The following TPCN1 variants were observed in gnomAD, a reference collection of about 807,000 sequenced individuals.
The protein encoded by TPCN1 is two pore segment channel 1.
A neutral mutation model predicts 108.8 loss-of-function variants in TPCN1; 52 were observed. That is an observed-to-expected ratio of 0.48 (90% CI 0.38 to 0.60). The LOEUF (loss-of-function observed/expected upper bound fraction) is 0.60. Ranked by LOEUF, TPCN1 falls within the 20% of genes least tolerant of loss-of-function variation. The pLI is 0.00. For missense variants in TPCN1, 806 were observed against 1,072.8 expected (o/e 0.75, Z 3.47); for synonymous variants, 446 against 433.7 (o/e 1.03, Z -0.35).
Position 113,268,838 on chromosome 12 carries a change from C to G in TPCN1, c.625C>G (p.Leu209Val). ...GACCCGAGCACTGCGCTGCATTTTC[C>G]TGGTGGACTGTCGGTATTGCGGTGG... ...RVTRALRCIFLVDCRYCGGVR... is the reference protein window; with the variant it reads ...RVTRALRCIFVVDCRYCGGVR... Residue 209 changes from leucine to valine, a missense_variant, in exon 6 of 28, where the codon CTG becomes GTG. By Grantham distance (32) the Leu-to-Val change is conservative (BLOSUM62 1). Coordinates refer to ENST00000335509, the MANE Select transcript of TPCN1 (RefSeq NM_017901.6). This position sits in a 1 kb window ranked among gnomAD's most constrained non-coding sequence, Gnocchi z 7.3. 6.2e-7 allele frequency: 1 copy of G among 1,614,140 alleles called. No individual in the cohort carries two copies. Among genetic ancestry groups the G allele is most frequent in the Non-Finnish European group, 8.5e-7 (1 of 1,180,020 alleles).
In TPCN1 at chr12:113,232,927, G is replaced by A. The variant is rs1047220255; in HGVS notation, c.112+5963G>A. 2.6e-5 allele frequency among the ~76,000 whole-genome samples: 4 copies of A among 152,222 alleles called. No individual in the cohort carries two copies. The highest frequency in any genetic ancestry group is 9.6e-5 in the African/African-American group (4 of 41,460). ...CCTCCGTGTAGCAGCTGGAGACCAA[G>A]CAGCAATTAGATTTTCACAGGCTCC... On this transcript the variant is annotated intron_variant, in intron 2 of 27. Coordinates refer to ENST00000335509, the MANE Select transcript of TPCN1 (RefSeq NM_017901.6). The surrounding 1 kb of genome is among the most constrained non-coding windows in gnomAD (Gnocchi z 5.6).
At chr12:113,254,673 G>A (rs867851052) in intron 2 of TPCN1, among the ~76,000 whole-genome samples, 2 of 152,144 alleles carry the variant, frequency 1.3e-5, no homozygotes, top group African/African-American at 4.8e-5. Context: ...TACTGGTTGA[G>A]TATTTCTAAC....
chr12:113,288,345 A>G lies in TPCN1; in HGVS notation c.1706+111A>G. On this transcript the variant is annotated intron_variant, in intron 20 of 27. Transcript: ENST00000335509. The surrounding 1 kb of genome is among the most constrained non-coding windows in gnomAD (Gnocchi z 4.8). ...GAAAGGAGTTCCACAAAGGACTGCA[A>G]TCGAGGGCCTGACGGGGCTCCAAGG... 1 of 1,548,738 alleles carries G rather than the reference A, an allele frequency of 6.5e-7. No homozygotes were observed. Among genetic ancestry groups the G allele is most frequent in the Non-Finnish European group, 8.7e-7 (1 of 1,150,034 alleles).
At chr12:113,278,388 G>GC in intron 13 of TPCN1, 151 bp downstream of exon 13, 1 of 700,298 alleles carries the variant, frequency 1.4e-6, no homozygotes, top group East Asian at 2.6e-5. Context: ...ATCACAGGTG[G>GC]CCCCAGCCCC....
rs1262930955 is a variant in TPCN1 at position 113,280,146 on chromosome 12, A to G, written c.1298-5A>G. The G allele has an allele frequency of 6.3e-7, 1 of 1,598,024 alleles. No homozygotes were observed. The highest frequency in any genetic ancestry group is 8.6e-7 in the Non-Finnish European group (1 of 1,166,384). Reference sequence around the variant, plus strand: ...TACATTTTAACTTGTCTTTTCTTCAAATAGGTATTAATATCCTTGTGAAGT... The same window carrying G: ...TACATTTTAACTTGTCTTTTCTTCAGATAGGTATTAATATCCTTGTGAAGT... On this transcript the variant is annotated splice_polypyrimidine_tract_variant and splice_region_variant and intron_variant, in intron 14 of 27. Coordinates refer to ENST00000335509, the MANE Select transcript of TPCN1 (RefSeq NM_017901.6).
At chr12:113,249,600 C>G (rs918229656) in intron 2 of TPCN1, 4 of 152,284 alleles carry the variant, frequency 2.6e-5, no homozygotes, top group Non-Finnish European at 5.9e-5. Context: ...AAAGTGCCTA[C>G]AATTCACGCA....
intron 2 of TPCN1, among the ~76,000 whole-genome samples, chr12:113,233,318 T>A (rs1360809654): frequency 6.6e-6 from 1 of 152,218 alleles, no homozygotes; most frequent in East Asian, 1.9e-4. Context: ...TGAGTTCACG[T>A]TTCCTCTGAG....
chr12:113,261,910 G>T (rs1002931101), intron 3 of TPCN1, among the ~76,000 whole-genome samples: 3 of 151,564 alleles, frequency 2.0e-5, no homozygotes, highest in Admixed American at 6.6e-5. Flanking sequence ...CTAAGAAATG[G>T]AATTACCGGG....
chr12:113,261,865 A>T (rs1189600961), intron 3 of TPCN1, among the ~76,000 whole-genome samples: 1 of 151,942 alleles, frequency 6.6e-6, no homozygotes, highest in Non-Finnish European at 1.5e-5. Context: ...TACATCTAGG[A>T]TTATTTTACT....
rs201143266 is a variant in TPCN1, at chr12:113,291,591, G to A, written c.1960-18G>A. 1,292 of 1,609,694 alleles carry A rather than the reference G, an allele frequency of 8.0e-4. 2 individuals are homozygous for A. The highest frequency in any genetic ancestry group is 1.0e-3 in the Non-Finnish European group (1,201 of 1,178,318). On this transcript the variant is annotated intron_variant, in intron 23 of 27. Coordinates refer to ENST00000335509, the MANE Select transcript of TPCN1 (RefSeq NM_017901.6). The stretch of plus-strand genomic sequence containing the variant: ...CTGCATGGGCACCCCCTCACTGGCT[G>A]CTTCCCTTGGTCTCCAGGAAGGCGT...
chr12:113,246,895 G>C (rs1260387087), intron 2 of TPCN1, among the ~76,000 whole-genome samples: 1 of 152,224 alleles, frequency 6.6e-6, no homozygotes, highest in African/African-American at 2.4e-5. Context: ...GTGATGCGGG[G>C]TGAGCCTGCC....
chr12:113,278,644 A>C, intron 13 of TPCN1, 128 bp from the exon 14 acceptor site: 1 of 720,206 alleles, frequency 1.4e-6, no homozygotes, highest in East Asian at 2.7e-5. Flanking sequence ...TGTCATGTAG[A>C]TCCCTGAAGG....
At position 113,226,880 on chromosome 12, in the gene TPCN1, C is replaced by T; in HGVS notation, c.28C>T (p.Pro10Ser). The change falls in exon 2 of 28, where the codon CCG becomes TCG. Residue 10 changes from proline to serine, a missense_variant. Coordinates refer to ENST00000335509, the MANE Select transcript of TPCN1 (RefSeq NM_017901.6). Reference protein sequence around the residue: MAVSLDDDVPLILTLDEGGS... With the variant: MAVSLDDDVSLILTLDEGGS... ...GGCTGTGAGTTTGGATGACGACGTG[C>T]CGCTCATCCTGACCTTGGATGAGGG... 6.2e-7 allele frequency: 1 copy of T among 1,614,142 alleles called. No homozygotes were observed. The highest frequency in any genetic ancestry group is 8.5e-7 in the Non-Finnish European group (1 of 1,180,042).
At chr12:113,285,838 A>G in intron 17 of TPCN1, 51 bp from the exon 18 acceptor site, 3 of 1,502,474 alleles carry the variant, frequency 2.0e-6, no homozygotes, top group South Asian at 1.1e-5. Flanking sequence ...GAGACCGAGC[A>G]TGGGGGAGGA....
chr12:113,281,044 TAGATTCTCAATCC>T (rs1323277621), intron 15 of TPCN1, among the ~76,000 whole-genome samples: 56 of 152,188 alleles, frequency 3.7e-4, no homozygotes, highest in African/African-American at 1.3e-3. Flanking sequence ...CTTACACGTC[TAGATTCTCAATCC>T]TTTTTTTTTT....
intron 3 of TPCN1, among the ~76,000 whole-genome samples, chr12:113,264,678 C>CA (rs78726088): frequency 2.2e-4 from 31 of 137,894 alleles, no homozygotes; most frequent in Non-Finnish European, 3.5e-4. Context: ...GACTCTGTCT[C>CA]AAAAAAAAAG....
intron 3 of TPCN1, among the ~76,000 whole-genome samples, chr12:113,261,356 A>G (rs147548471): frequency 2.8e-3 from 426 of 152,038 alleles, no homozygotes; most frequent in Admixed American, 7.7e-3. Context: ...TGTTTTCCAA[A>G]AAAGTCATAT....
At chr12:113,238,901 C>T (rs534397867) in intron 2 of TPCN1, among the ~76,000 whole-genome samples, 5 of 152,188 alleles carry the variant, frequency 3.3e-5, no homozygotes, top group South Asian at 2.1e-4. Context: ...GAGACCAAGG[C>T]GAGAGGATCA....
chr12:113,288,823 G>A lies in TPCN1; in HGVS notation c.1772G>A (p.Gly591Glu). The change falls in exon 21 of 28, where the codon GGG (glycine) becomes GAG (glutamate). Residue 591 changes from glycine to glutamate, a missense_variant. Coordinates refer to ENST00000335509, the MANE Select transcript of TPCN1 (RefSeq NM_017901.6). This position sits in a 1 kb window ranked among gnomAD's most constrained non-coding sequence, Gnocchi z 4.8. ...ATCGTGGGCATGGAGTTCTTCTGCG[G>A]GATCGTCTTCCCCAACTGCTGCAAG... ...FAIVGMEFFC[G>E]IVFPNCCNTS... The A allele has an allele frequency of 6.2e-7, 1 of 1,613,624 alleles. No homozygotes were observed. Among genetic ancestry groups the A allele is most frequent in the Non-Finnish European group, 8.5e-7 (1 of 1,180,032 alleles).
Sources: gnomAD v4.1 joint callset for allele counts (sites outside exome capture counted in the v4.1 genomes callset) on GRCh38, gnomAD v4.1.1 for gene constraint, Gnocchi (gnomAD v3.1) non-coding constraint, MANE v1.5 for transcripts, NCBI Gene and HGNC (gene_info 2026-07-23, HGNC 2026-07-21) for gene names.